The following CRPPA variants were observed in gnomAD, a reference collection of about 807,000 sequenced individuals.
CRPPA encodes D-ribitol-5-phosphate cytidylyltransferase.
Under a neutral mutation model 52.0 loss-of-function variants are expected in CRPPA, and 43 were observed. The ratio of observed to expected loss-of-function variants is 0.83; its 90% CI spans 0.65 to 1.07. CRPPA has a LOEUF of 1.07. Ranked by LOEUF, CRPPA falls within the 50% of genes least tolerant of loss-of-function variation. The probability of loss-of-function intolerance (pLI) is 0.00; values close to 1 mark genes in which losing one functional copy is unlikely to be tolerated. For missense variants in CRPPA, 629 were observed against 551.7 expected, an observed-to-expected ratio of 1.14 and a Z score of -1.40; for synonymous variants, 250 against 203.5, an observed-to-expected ratio of 1.23 and a Z score of -1.94.
chr7:16,413,654 T>C (rs1357986805), intron 1 of CRPPA, among the ~76,000 whole-genome samples: 1 of 152,210 alleles, frequency 6.6e-6, no homozygotes, highest in Non-Finnish European at 1.5e-5. Flanking sequence ...TCAACAGAAT[T>C]TGCTGTGGTT....
Position 16,091,385 on chromosome 7 carries a change from C to T in CRPPA, c.*310G>A. ...AAATTCTCATTCCTTGAAAGAATAG[C>T]TCACCCCATCATTATTTCTATTTGA... On this transcript the variant is annotated 3_prime_UTR_variant, in exon 10 of 10. Coordinates refer to ENST00000407010, the MANE Select transcript of CRPPA (RefSeq NM_001101426.4). 4.7e-6 allele frequency: 1 copy of T among 213,458 alleles called. No homozygotes were observed. The highest frequency in any genetic ancestry group is 9.2e-6 in the Non-Finnish European group (1 of 109,054). 13.2% of individuals were successfully genotyped at this position (213,458 alleles called of 1,614,324 possible). A position where few individuals can be genotyped will look rare whatever the true frequency, so the allele number is the denominator to read the frequency against.
At chr7:16,272,888 A>G (rs1784119986) in intron 6 of CRPPA, among the ~76,000 whole-genome samples, 1 of 152,084 alleles carries the variant, frequency 6.6e-6, no homozygotes, top group Admixed American at 6.6e-5. Context: ...AAAGGGGGAA[A>G]TCATAGGGTT....
chr7:16,168,297 T>C (rs906956651), intron 9 of CRPPA, among the ~76,000 whole-genome samples: 1 of 152,172 alleles, frequency 6.6e-6, no homozygotes, highest in African/African-American at 2.4e-5. Context: ...GCTATAAATG[T>C]GTTTTTTAAA....
intron 9 of CRPPA, among the ~76,000 whole-genome samples, chr7:16,099,197 G>A (rs1161031497): frequency 1.3e-5 from 2 of 151,150 alleles, no homozygotes; most frequent in African/African-American, 4.9e-5. Context: ...AGGCCGCAGT[G>A]AGCAATGATT....
Position 16,421,256 on chromosome 7 carries a change from C to G in CRPPA, c.67G>C (p.Gly23Arg), listed in dbSNP as rs187484645. Residue 23 changes from glycine (G) to arginine (R), a missense_variant, in exon 1 of 10, where the codon GGC becomes CGC. By Grantham distance (125) the Gly-to-Arg change is moderately radical. Transcript: ENST00000407010. ...GAGGCGGAAGCCGTGTGGTCCGCGC[C>G]GCGCTGACCACTCAGGCAAGGACCC... ...EPGPCLSGQR[G>R]ADHTASASLQ... 1.5e-6 allele frequency: 2 copies of G among 1,314,528 alleles called. No homozygotes were observed. Among genetic ancestry groups the G allele is most frequent in the African/African-American group, 1.5e-5 (1 of 64,982 alleles). The allele number at this position is 1,314,528 out of a possible 1,614,324, so 81.4% of individuals were successfully genotyped here. A position where few individuals can be genotyped will look rare whatever the true frequency, so the allele number is the denominator to read the frequency against.
At chr7:16,380,499 C>A (rs1478450411) in intron 2 of CRPPA, among the ~76,000 whole-genome samples, 2 of 152,146 alleles carry the variant, frequency 1.3e-5, no homozygotes, top group Non-Finnish European at 1.5e-5. Flanking sequence ...ATGATGCTGG[C>A]CTCATAAAAT....
intron 9 of CRPPA, among the ~76,000 whole-genome samples, chr7:16,104,698 A>C (rs952705811): frequency 1.3e-5 from 2 of 152,158 alleles, no homozygotes; most frequent in African/African-American, 4.8e-5. Context: ...CAGGGGATCA[A>C]GACCAACCTG....
At chr7:16,372,912 G>A (rs1223525761) in intron 3 of CRPPA, among the ~76,000 whole-genome samples, 3 of 152,198 alleles carry the variant, frequency 2.0e-5, no homozygotes, top group African/African-American at 7.2e-5. Context: ...CAGAAAAAGG[G>A]ATACATGATA....
chr7:16,342,763 C>CAAAAAAAAAAAAAAAA lies in CRPPA; in HGVS notation c.684+33313_684+33328dup, dbSNP rs368521163. On this transcript the variant is annotated intron_variant, in intron 3 of 9. Coordinates refer to ENST00000407010, the MANE Select transcript of CRPPA (RefSeq NM_001101426.4). ...GGCAACAGGATGAACCCTGTCTCCA[C>CAAAAAAAAAAAAAAAA]AAAAAAAAAAAAAAAAAAAATATAT... 8.3e-4 allele frequency among the ~76,000 whole-genome samples: 54 copies of CAAAAAAAAAAAAAAAA among 64,936 alleles called. 4 individuals are homozygous for CAAAAAAAAAAAAAAAA. The highest frequency in any genetic ancestry group is 1.2e-3 in the Non-Finnish European group (40 of 34,108). 42.6% of individuals were successfully genotyped at this position (64,936 alleles called of 152,430 possible). A position where few individuals can be genotyped will look rare whatever the true frequency, so the allele number is the denominator to read the frequency against.
At chr7:16,237,046 AC>A (rs1407835027) in intron 8 of CRPPA, among the ~76,000 whole-genome samples, 1 of 152,064 alleles carries the variant, frequency 6.6e-6, no homozygotes, top group Non-Finnish European at 1.5e-5. Flanking sequence ...TGCCTATTCA[AC>A]CTTAAAAAAC....
At chr7:16,144,374 G>T (rs934372720) in intron 9 of CRPPA, among the ~76,000 whole-genome samples, 1 of 152,210 alleles carries the variant, frequency 6.6e-6, no homozygotes, top group African/African-American at 2.4e-5. Context: ...TACCTGTCTA[G>T]AGACATGCCC....
In CRPPA at chr7:16,421,176, A is replaced by G; in HGVS notation, c.147T>C (p.Ala49=). Residue 49 remains alanine (A), a synonymous_variant, in exon 1 of 10, where the codon GCT becomes GCC. Transcript: ENST00000407010. The part of the protein sequence containing the change: ...EPGRHPQAVA[A]VLPAGGCGER... ...CCCCGCACCCCCCGGCAGGCAACAC[A>G]GCTGCCACGGCTTGCGGGTGGCGCC... The G allele has an allele frequency of 7.5e-7, 1 of 1,340,330 alleles. No individual in the cohort carries two copies. Among genetic ancestry groups the G allele is most frequent in the Non-Finnish European group, 9.6e-7 (1 of 1,040,220 alleles). The allele number at this position is 1,340,330 out of a possible 1,614,324, so 83.0% of individuals were successfully genotyped here.
intron 1 of CRPPA, among the ~76,000 whole-genome samples, chr7:16,420,643 G>C (rs575563258): frequency 1.3e-5 from 2 of 152,148 alleles, no homozygotes; most frequent in African/African-American, 4.8e-5. Flanking sequence ...TGAAAAAAAC[G>C]AACACACGCC....
chr7:16,124,866 A>G (rs1236371976), intron 9 of CRPPA, among the ~76,000 whole-genome samples: 2 of 149,698 alleles, frequency 1.3e-5, no homozygotes, highest in Non-Finnish European at 3.0e-5. Flanking sequence ...ATAATTTTAA[A>G]ATAAAAAAAT....
intron 2 of CRPPA, among the ~76,000 whole-genome samples, chr7:16,387,814 A>G (rs780121098): frequency 1.3e-4 from 20 of 152,190 alleles, no homozygotes; most frequent in Admixed American, 1.2e-3. Flanking sequence ...TCTATTAAAC[A>G]TACCACCCAA....
chr7:16,353,291 G>A (rs1786205546), intron 3 of CRPPA, among the ~76,000 whole-genome samples: 1 of 152,096 alleles, frequency 6.6e-6, no homozygotes. Flanking sequence ...AGTAGAGGGT[G>A]CAGTGAGCTA....
intron 3 of CRPPA, among the ~76,000 whole-genome samples, chr7:16,333,643 T>C (rs2128430757): frequency 6.6e-6 from 1 of 152,266 alleles, no homozygotes; most frequent in African/African-American, 2.4e-5. Context: ...AGTCAATTAA[T>C]TCAAATGTAA....
intron 3 of CRPPA, among the ~76,000 whole-genome samples, chr7:16,357,266 A>T (rs1210427754): frequency 6.6e-6 from 1 of 151,932 alleles, no homozygotes; most frequent in East Asian, 1.9e-4. Context: ...GCAACCGCCA[A>T]CTCTCGGGTT....
At chr7:16,260,609 A>C (rs79124337) in intron 6 of CRPPA, among the ~76,000 whole-genome samples, 2 of 152,010 alleles carry the variant, frequency 1.3e-5, no homozygotes, top group South Asian at 4.1e-4. Context: ...ATTTGCATGC[A>C]AGTAAGGTAT....
Sources: gnomAD v4.1 joint callset for allele counts (sites outside exome capture counted in the v4.1 genomes callset) on GRCh38, gnomAD v4.1.1 for gene constraint, MANE v1.5 for transcripts, NCBI Gene and HGNC (gene_info 2026-07-23, HGNC 2026-07-21) for gene names.